ENO1: variants seen among roughly 807,000 people sequenced by gnomAD.
ENO1 encodes alpha-enolase.
ENO1 carries 33 observed loss-of-function variants against 46.3 expected under a neutral mutation model. The observed-to-expected ratio is 0.71, with a 90% CI of 0.54 to 0.95. The LOEUF is 0.95. Ranked by LOEUF, ENO1 falls within the 40% of genes least tolerant of loss-of-function variation. The pLI is 0.00. For missense variants in ENO1, 488 were observed against 553.3 expected, an observed-to-expected ratio of 0.88 and a Z score of 1.18; for synonymous variants, 220 against 216.0, an observed-to-expected ratio of 1.02 and a Z score of -0.16.
rs770370916 is a variant in ENO1 at position 8,863,312 on chromosome 1, C to T, written c.1099G>A (p.Val367Ile). The stretch of plus-strand genomic sequence containing the variant: ...TCCCCCGAACGATGAGACACCATGA[C>T]GCCCCAACCATTGGCCTGGGCCAGC... ...CKLAQANGWG[V>I]MVSHRSGETE... The change falls in exon 10 of 12, where the codon GTC becomes ATC. Residue 367 changes from valine (V) to isoleucine (I), a missense_variant. By Grantham distance (29) the Val-to-Ile change is conservative. Coordinates refer to ENST00000234590, the MANE Select transcript of ENO1 (RefSeq NM_001428.5). 1.7e-5 allele frequency: 28 copies of T among 1,613,944 alleles called. No homozygotes were observed. The highest frequency in any genetic ancestry group is 6.7e-5 in the African/African-American group (5 of 74,928).
intron 2 of ENO1, among the ~76,000 whole-genome samples, chr1:8,873,461 C>CA (rs1642672623): frequency 6.6e-6 from 1 of 152,232 alleles, no homozygotes; most frequent in Admixed American, 6.5e-5. Flanking sequence ...CAACTCCCAA[C>CA]AATCTTCTAG....
intron 3 of ENO1, chr1:8,871,123 T>C (rs141058373): frequency 4.3e-6 from 5 of 1,176,174 alleles, no homozygotes; most frequent in Non-Finnish European, 5.2e-6. Context: ...AATGGTAACA[T>C]GTTCGTGTGT....
chr1:8,862,542 G>A (rs535859841), intron 11 of ENO1, among the ~76,000 whole-genome samples: 1 of 152,190 alleles, frequency 6.6e-6, no homozygotes, highest in Admixed American at 6.5e-5. Context: ...TCCACAAACA[G>A]GGGTTAAATG....
At position 8,863,009 on chromosome 1, in the gene ENO1, G is replaced by T. The variant is rs929980836; in HGVS notation, c.1177-64C>A. 7.5e-6 allele frequency: 12 copies of T among 1,590,328 alleles called. No homozygotes were observed. In the African/African-American group the frequency reaches 1.1e-4, roughly 14 times the overall value. ...GCTTTGCAGGCATTTCTGGCAGGGA[G>T]AGGGTGTGGTGTCAGAGAGAGAATT... is the stretch of plus-strand genomic sequence containing the variant. On this transcript the variant is annotated intron_variant, in intron 10 of 11. Coordinates refer to ENST00000234590, the MANE Select transcript of ENO1 (RefSeq NM_001428.5).
intron 2 of ENO1, among the ~76,000 whole-genome samples, chr1:8,872,971 A>G (rs1642664255): frequency 6.6e-6 from 1 of 152,224 alleles, no homozygotes; most frequent in South Asian, 2.1e-4. Flanking sequence ...GCAAAAGAAC[A>G]GATGGTGTCA....
At chr1:8,872,294 C>G (rs1642649452) in intron 2 of ENO1, among the ~76,000 whole-genome samples, 1 of 152,204 alleles carries the variant, frequency 6.6e-6, no homozygotes, top group South Asian at 2.1e-4. Context: ...GCATCCCTCA[C>G]AAGCTCGCAT....
chr1:8,868,007 C>G lies in ENO1; in HGVS notation c.291G>C (p.Met97Ile). The change falls in exon 5 of 12, where the codon ATG becomes ATC. Residue 97 changes from methionine (M) to isoleucine (I), a missense_variant. Transcript: ENST00000234590. ...ACTCACATTTATTTTCTGTTCCATCCATCTCGATCATCAGTTTGTCAATCT... is the reference window on the plus strand; with the variant it reads ...ACTCACATTTATTTTCTGTTCCATCGATCTCGATCATCAGTTTGTCAATCT... ...QEKIDKLMIE[M>I]DGTENKSKFG... 6.2e-7 allele frequency: 1 copy of G among 1,614,098 alleles called. No homozygotes were observed. The highest frequency in any genetic ancestry group is 8.5e-7 in the Non-Finnish European group (1 of 1,179,988).
intron 7 of ENO1, 195 bp downstream of exon 7, chr1:8,866,084 A>G: frequency 1.9e-6 from 1 of 538,308 alleles, no homozygotes; most frequent in Non-Finnish European, 3.2e-6. Context: ...CTCAAAAAAA[A>G]AAAAAAAAAG....
chr1:8,872,101 AC>A, intron 2 of ENO1, 115 bp from the exon 3 acceptor site: 1 of 818,068 alleles, frequency 1.2e-6, no homozygotes, highest in Non-Finnish European at 2.0e-6. Context: ...TCTTCCTCCT[AC>A]CAGCTGTGTG....
intron 2 of ENO1, among the ~76,000 whole-genome samples, chr1:8,874,299 G>A (rs29000602): frequency 1.7e-3 from 253 of 152,232 alleles, no homozygotes; most frequent in African/African-American, 5.5e-3. Flanking sequence ...AGGATCAGGC[G>A]GGGTGGCTCA....
In ENO1 at chr1:8,867,108, A is replaced by T; in HGVS notation, c.444+9T>A. 6.2e-7 allele frequency: 1 copy of T among 1,610,304 alleles called. No homozygotes were observed. Among genetic ancestry groups the T allele is most frequent in the Non-Finnish European group, 8.5e-7 (1 of 1,176,982 alleles). ...CTCCTTGCTTGGGAAGTTCCAATAA[A>T]CCACTCACCGGGACTGGCAGGATGA... is the stretch of plus-strand genomic sequence containing the variant. On this transcript the variant is annotated intron_variant, in intron 6 of 11. Transcript: ENST00000234590.
At chr1:8,866,949 G>C (rs1642530861) in intron 6 of ENO1, among the ~76,000 whole-genome samples, 168 bp downstream of exon 6, 1 of 152,150 alleles carries the variant, frequency 6.6e-6, no homozygotes, top group Non-Finnish European at 1.5e-5. Flanking sequence ...AAAGGACCTG[G>C]GGCACAGGCA....
At chr1:8,868,168 GTGATGTTTGTTTTA>G (rs1467097042) in intron 4 of ENO1, 111 bp from the exon 5 acceptor site, 1 of 814,852 alleles carries the variant, frequency 1.2e-6, no homozygotes, top group Non-Finnish European at 2.0e-6. Flanking sequence ...AATCAATTCT[GTGATGTTTGTTTTA>G]TAAGCAAAAA....
At chr1:8,878,055 A>C (rs1642773366) in intron 1 of ENO1, 1 of 154,630 alleles carries the variant, frequency 6.5e-6, no homozygotes, top group South Asian at 1.8e-4. Context: ...ACTAGGCAGA[A>C]GCGCGGGCCG....
Position 8,861,185 on chromosome 1 carries a change from G to C in ENO1, c.*175C>G. 1 of 606,472 alleles carries C rather than the reference G, an allele frequency of 1.6e-6. No homozygotes were observed. Among genetic ancestry groups the C allele is most frequent in the African/African-American group, 1.8e-5 (1 of 54,116 alleles). The allele number at this position is 606,472 out of a possible 1,614,324, so 37.6% of individuals were successfully genotyped here. ...AGCTAGAGCTGCCAACAGGGCTCCA[G>C]GGAGCTTGGCTTCTGTAGAAGTTCT... On this transcript the variant is annotated 3_prime_UTR_variant, in exon 12 of 12. Transcript: ENST00000234590.
At chr1:8,875,996 G>A (rs866430686) in intron 1 of ENO1, 1 of 151,850 alleles carries the variant, frequency 6.6e-6, no homozygotes, top group South Asian at 2.1e-4. Context: ...TTGAACACCA[G>A]GATACTTCAA....
chr1:8,868,244 TTGA>T (rs1175360464), intron 4 of ENO1, among the ~76,000 whole-genome samples, 187 bp from the exon 5 acceptor site: 1 of 152,050 alleles, frequency 6.6e-6, no homozygotes, highest in Non-Finnish European at 1.5e-5. Context: ...TCTGCTTGCT[TTGA>T]TGGTTATCAG....
At chr1:8,866,087 A>AG (rs1642507331) in intron 7 of ENO1, 192 bp downstream of exon 7, 1 of 546,126 alleles carries the variant, frequency 1.8e-6, no homozygotes, top group Non-Finnish European at 3.1e-6. Context: ...AAAAAAAAAA[A>AG]AAAAAAGAAA....
rs1359691927 is a variant in ENO1 at position 8,878,671 on chromosome 1, G to C, written c.-101C>G. 1 of 456,072 alleles carries C rather than the reference G, an allele frequency of 2.2e-6. No homozygotes were observed. The highest frequency in any genetic ancestry group is 4.4e-6 in the Non-Finnish European group (1 of 226,808). The allele number at this position is 456,072 out of a possible 1,614,324, so 28.3% of individuals were successfully genotyped here. A position where few individuals can be genotyped will look rare whatever the true frequency, so the allele number is the denominator to read the frequency against. ...AAGCCGGCGAGATCTCCGTGCTCCG[G>C]GTACCCACAGATACTGTCCGCGCCG... On this transcript the variant is annotated 5_prime_UTR_variant, in exon 1 of 12. Transcript: ENST00000234590.
Sources: gnomAD v4.1 joint callset for allele counts (sites outside exome capture counted in the v4.1 genomes callset) on GRCh38, gnomAD v4.1.1 for gene constraint, MANE v1.5 for transcripts, NCBI Gene and HGNC (gene_info 2026-07-23, HGNC 2026-07-21) for gene names.